Variants in MUC4 observed in about 807,000 individuals in gnomAD.
MUC4 encodes the protein mucin 4, cell surface associated.
Under a neutral mutation model 257.9 loss-of-function variants are expected in MUC4, and 202 were observed. That is an observed-to-expected ratio of 0.78 (90% CI 0.70 to 0.88). The LOEUF (loss-of-function observed/expected upper bound fraction) is 0.88. MUC4 is among the 40% of genes least tolerant of loss of function. The probability of loss-of-function intolerance (pLI) is 0.00; values close to 1 mark genes in which losing one functional copy is unlikely to be tolerated. For synonymous variants in MUC4, 2,351 were observed against 2,757.1 expected (o/e 0.85, Z 4.62); for missense variants, 5,976 against 6,513.7 (o/e 0.92, Z 2.84).
At position 195,790,434 on chromosome 3, in the gene MUC4, A is replaced by C; in HGVS notation, c.1146T>G (p.Ser382Arg). ...SGETTTSSPSSVSNTFLVTSK... is the reference protein window; with the variant it reads ...SGETTTSSPSRVSNTFLVTSK... ...ATGTTACCAGGAATGTATTGCTGAC[A>C]CTGGAAGGGGATGAGGTGGTTGTTT... Residue 382 changes from serine to arginine, a missense_variant, in exon 2 of 25, where the codon AGT (serine) becomes AGG (arginine). This residue lies in a region of MUC4 where 1,583 missense variants were observed against 1,257.4 expected (regional missense o/e 1.26). Transcript: ENST00000463781. The C allele has an allele frequency of 6.2e-7, 1 of 1,613,804 alleles. No homozygotes were observed. The highest frequency in any genetic ancestry group is 8.5e-7 in the Non-Finnish European group (1 of 1,179,724).
chr3:195,750,533 C>T lies in MUC4; in HGVS notation c.15871+356G>A, dbSNP rs1204173842. 8.5e-6 allele frequency: 3 copies of T among 353,000 alleles called. No individual in the cohort carries two copies. In the East Asian group the frequency reaches 2.2e-4, roughly 26 times the overall value. The allele number at this position is 353,000 out of a possible 1,614,324, so 21.9% of individuals were successfully genotyped here. On this transcript the variant is annotated intron_variant, in intron 23 of 24. Coordinates refer to ENST00000463781, the MANE Select transcript of MUC4 (RefSeq NM_018406.7). Reference sequence around the variant, plus strand: ...TCTCCAGTCTCCAGCTTCATATCCTCCCGCTGGAGAGCAGAGACGATGGGG... The same window carrying T: ...TCTCCAGTCTCCAGCTTCATATCCTTCCGCTGGAGAGCAGAGACGATGGGG...
At chr3:195,794,661 C>G (rs1734350695) in intron 1 of MUC4, among the ~76,000 whole-genome samples, 1 of 152,108 alleles carries the variant, frequency 6.6e-6, no homozygotes, top group Non-Finnish European at 1.5e-5. Flanking sequence ...CGCTCCCACC[C>G]TTTTTTTCAA....
At position 195,748,901 on chromosome 3, in the gene MUC4, C is replaced by T. The variant is rs2148741436; in HGVS notation, c.16034+1G>A. 1 of 1,576,892 alleles carries T rather than the reference C, an allele frequency of 6.3e-7. No individual in the cohort carries two copies. The highest frequency in any genetic ancestry group is 8.6e-7 in the Non-Finnish European group (1 of 1,162,772). On this transcript the variant is annotated splice_donor_variant, in intron 24 of 24. Coordinates refer to ENST00000463781, the MANE Select transcript of MUC4 (RefSeq NM_018406.7). LOFTEE classifies it high-confidence loss of function. ...CACCTCCTGGCCACAGCCCTATGCACCTGCAGCGGGGCCCACTGGGCAGGT... is the reference window on the plus strand; with the variant it reads ...CACCTCCTGGCCACAGCCCTATGCATCTGCAGCGGGGCCCACTGGGCAGGT...
chr3:195,751,999 G>A, intron 21 of MUC4: 1 of 280,102 alleles, frequency 3.6e-6, no homozygotes, highest in Admixed American at 4.5e-5. Context: ...CAGCAGTTGT[G>A]CCACTTTGCC....
intron 5 of MUC4, chr3:195,770,876 C>A (rs939954196): frequency 1.1e-5 from 5 of 457,760 alleles, no homozygotes; most frequent in Admixed American, 2.3e-5. Flanking sequence ...TTAGGATAGA[C>A]CCCCTACAGC....
At chr3:195,807,719 G>A (rs528705246) in intron 1 of MUC4, among the ~76,000 whole-genome samples, 2 of 152,292 alleles carry the variant, frequency 1.3e-5, no homozygotes, top group South Asian at 4.1e-4. Context: ...TGAGCTACAC[G>A]ATGTGCATAT....
chr3:195,790,667 G>T lies in MUC4; in HGVS notation c.913C>A (p.Gln305Lys). 1 of 1,613,990 alleles carries T rather than the reference G, an allele frequency of 6.2e-7. No individual in the cohort carries two copies. Among genetic ancestry groups the T allele is most frequent in the Non-Finnish European group, 8.5e-7 (1 of 1,179,884 alleles). ...AALVTFDPEG[Q>K]SPATFSRTST... is the part of the protein sequence containing the mutation. ...GTCCTTGAGAAAGTTGCTGGTGATT[G>T]TCCTTCTGGATCAAATGTTACTAAG... Residue 305 changes from glutamine to lysine, a missense_variant, in exon 2 of 25, where the codon CAA becomes AAA. Gln to Lys is a moderately conservative substitution (Grantham distance 53, BLOSUM62 1). Coordinates refer to ENST00000463781, the MANE Select transcript of MUC4 (RefSeq NM_018406.7).
chr3:195,772,180 G>A (rs768390094), intron 4 of MUC4, among the ~76,000 whole-genome samples: 9 of 58,780 alleles, frequency 1.5e-4, no homozygotes, highest in Non-Finnish European at 3.4e-4. Flanking sequence ...TCTCTCCATC[G>A]CTCAGGGGGT....
rs1346118998 is a variant in MUC4, at chr3:195,785,477, C to T, written c.6103G>A (p.Val2035Ile). The part of the protein sequence containing the change: ...ASTGDTTPLP[V>I]TDTSSASTGQ... ...GTGGATGCTGAGGAAGTATCGGTGA[C>T]AGGAAGCGGCGTGGTGTCACCAGTG... Residue 2035 changes from valine (V) to isoleucine (I), a missense_variant, in exon 2 of 25, where the codon GTC becomes ATC. Val to Ile is a conservative substitution (Grantham distance 29). Around this residue, in one of 44 missense-constraint regions of MUC4, gnomAD observed 85 missense variants for 325.0 expected, o/e 0.26. Coordinates refer to ENST00000463781, the MANE Select transcript of MUC4 (RefSeq NM_018406.7). The T allele has an allele frequency of 2.0e-6, 3 of 1,514,948 alleles. No individual in the cohort carries two copies. Among genetic ancestry groups the T allele is most frequent in the Admixed American group, 2.0e-5 (1 of 49,522 alleles). 93.8% of individuals were successfully genotyped at this position (1,514,948 alleles called of 1,614,324 possible).
At chr3:195,799,501 C>T (rs1735034045) in intron 1 of MUC4, among the ~76,000 whole-genome samples, 4 of 152,124 alleles carry the variant, frequency 2.6e-5, no homozygotes, top group Admixed American at 2.0e-4. Context: ...TGGGTTTCAC[C>T]ATGTTGGCCA....
chr3:195,766,656 C>T lies in MUC4; in HGVS notation c.13618+7G>A, dbSNP rs1720566648. The T allele has an allele frequency of 4.3e-6, 7 of 1,613,948 alleles. No homozygotes were observed. The highest frequency in any genetic ancestry group is 5.9e-6 in the Non-Finnish European group (7 of 1,179,834). ...CCAGCTCAGGTGTGATAAGGTGGCA[C>T]TTTTACCTGAGTTGGAATTCAGGAA... On this transcript the variant is annotated splice_region_variant and intron_variant, in intron 8 of 24. Transcript: ENST00000463781.
chr3:195,798,967 A>T (rs916058204), intron 1 of MUC4, among the ~76,000 whole-genome samples: 3 of 150,204 alleles, frequency 2.0e-5, no homozygotes, highest in Non-Finnish European at 1.5e-5. Context: ...CTGTATAAAA[A>T]CTCCCCCTGC....
intron 7 of MUC4, 54 bp downstream of exon 7, chr3:195,768,968 A>G (rs1722211615): frequency 1.3e-6 from 2 of 1,576,566 alleles, no homozygotes; most frequent in South Asian, 2.3e-5. Flanking sequence ...GCGAAAGCCG[A>G]CTCTACACCC....
At chr3:195,796,990 C>A (rs930842761) in intron 1 of MUC4, among the ~76,000 whole-genome samples, 3 of 152,204 alleles carry the variant, frequency 2.0e-5, no homozygotes, top group Non-Finnish European at 4.4e-5. Context: ...CGCCTGTAAC[C>A]CCAACACTTT....
At chr3:195,756,389 G>A (rs529932389) in intron 18 of MUC4, among the ~76,000 whole-genome samples, 9 of 152,358 alleles carry the variant, frequency 5.9e-5, no homozygotes, top group African/African-American at 9.6e-5. Context: ...GGGCTTCGCC[G>A]CAGAGCTGTG....
intron 17 of MUC4, among the ~76,000 whole-genome samples, chr3:195,758,662 A>G (rs1718156330): frequency 6.7e-6 from 1 of 149,068 alleles, no homozygotes; most frequent in African/African-American, 2.5e-5. Flanking sequence ...TCCTGGGTTC[A>G]AGCGATTCTC....
chr3:195,789,804 C>T lies in MUC4; in HGVS notation c.1776G>A (p.Thr592=), dbSNP rs1486589732. Reference sequence around the variant, plus strand: ...TAGGTGAAGAAGATGGGGATGTGGCCGTTTTTATCATCTGAGTCACACTGT... The same window carrying T: ...TAGGTGAAGAAGATGGGGATGTGGCTGTTTTTATCATCTGAGTCACACTGT... The part of the protein sequence containing the change: ...PSYSVTQMIK[T]ATSPSSSPML... The change falls in exon 2 of 25, where the codon ACG becomes ACA. Residue 592 remains threonine (T), a synonymous_variant. Transcript: ENST00000463781. The T allele has an allele frequency of 1.5e-5, 24 of 1,613,924 alleles. No homozygotes were observed. The highest frequency in any genetic ancestry group is 4.5e-5 in the East Asian group (2 of 44,880).
rs1732300654 is a variant in MUC4, at chr3:195,786,826, A to G, written c.4754T>C (p.Leu1585Pro). 1 of 1,526,676 alleles carries G rather than the reference A, an allele frequency of 6.6e-7. No homozygotes were observed. Among genetic ancestry groups the G allele is most frequent in the Non-Finnish European group, 8.8e-7 (1 of 1,133,218 alleles). The allele number at this position is 1,526,676 out of a possible 1,614,324, so 94.6% of individuals were successfully genotyped here. A position where few individuals can be genotyped will look rare whatever the true frequency, so the allele number is the denominator to read the frequency against. Reference protein sequence around the residue: ...SSASTGHTTPLPVTDTSSASK... With the variant: ...SSASTGHTTPPPVTDTSSASK... Reference sequence around the variant, plus strand: ...TGCTGAGGAAGTGTCGGTGACAGGAAGAGGGGTGGTGTGACCTGTAGATGC... The same window carrying G: ...TGCTGAGGAAGTGTCGGTGACAGGAGGAGGGGTGGTGTGACCTGTAGATGC... Residue 1585 changes from leucine to proline, a missense_variant, in exon 2 of 25, where the codon CTT (leucine) becomes CCT (proline). This residue lies in a region of MUC4 where 63 missense variants were observed against 68.8 expected (regional missense o/e 0.92). Coordinates refer to ENST00000463781, the MANE Select transcript of MUC4 (RefSeq NM_018406.7).
chr3:195,805,565 G>A (rs1417162598), intron 1 of MUC4, among the ~76,000 whole-genome samples: 7 of 152,174 alleles, frequency 4.6e-5, no homozygotes, highest in Non-Finnish European at 1.0e-4. Context: ...TCCTGGTGTG[G>A]TGGTGTGTGC....
Sources: allele counts gnomAD v4.1 joint callset (sites outside exome capture counted in the v4.1 genomes callset), GRCh38; gene constraint gnomAD v4.1.1; regional missense constraint gnomAD v4.1.1; transcripts MANE v1.5; gene names NCBI Gene and HGNC (gene_info 2026-07-23, HGNC 2026-07-21).